Variants in ZFHX2 observed in about 807,000 individuals in gnomAD.
ZFHX2 encodes zinc finger homeobox 2.
Under a neutral mutation model 164.8 loss-of-function variants are expected in ZFHX2, and 75 were observed. The ratio of observed to expected loss-of-function variants is 0.46; its 90% CI spans 0.38 to 0.55. The LOEUF is 0.55. Among genes scored for constraint, ZFHX2 ranks in the 20% least tolerant of loss-of-function variants. The pLI, the probability that ZFHX2 is intolerant of heterozygous loss-of-function variation, is 0.00. For synonymous variants in ZFHX2, 1,217 were observed against 1,351.4 expected, an observed-to-expected ratio of 0.90 and a Z score of 2.18; for missense variants, 2,933 against 3,308.0, an observed-to-expected ratio of 0.89 and a Z score of 2.78.
At chr14:23,548,612 A>T (rs1450760787) in intron 1 of ZFHX2, among the ~76,000 whole-genome samples, 1 of 152,094 alleles carries the variant, frequency 6.6e-6, no homozygotes, top group Non-Finnish European at 1.5e-5. Flanking sequence ...AGTTTATGGG[A>T]ATTCTACTTT....
At chr14:23,552,543 G>A (rs543665405), upstream of ZFHX2, among the ~76,000 whole-genome samples, 4 of 150,726 alleles carry the variant, frequency 2.7e-5, no homozygotes, top group African/African-American at 7.3e-5. Flanking sequence ...CGCCTGCCTC[G>A]GCCTCCCAAA....
Position 23,527,745 on chromosome 14 carries a change from A to G in ZFHX2, c.2994T>C (p.His998=). Residue 998 remains histidine (H), a synonymous_variant, in exon 7 of 10, where the codon CAT becomes CAC. Coordinates refer to ENST00000419474, the MANE Select transcript of ZFHX2 (RefSeq NM_033400.3). ...LSPESSQVRA[H]TLSQHAVQPK... ...GCTGCACTGCATGCTGGGAGAGTGT[A>G]TGAGCCCTCACCTGGCTGGACTCTG... The G allele has an allele frequency of 2.0e-6, 3 of 1,536,080 alleles. No homozygotes were observed. The highest frequency in any genetic ancestry group is 1.7e-6 in the Non-Finnish European group (2 of 1,146,924).
At chr14:23,549,618 A>AAAGCAACT (rs1425549381) in intron 1 of ZFHX2, among the ~76,000 whole-genome samples, 2 of 152,210 alleles carry the variant, frequency 1.3e-5, no homozygotes, top group African/African-American at 4.8e-5. Flanking sequence ...AAGTGAAGAA[A>AAAGCAACT]AAGCAACTGA....
chr14:23,526,015 C>G lies in ZFHX2; in HGVS notation c.3927G>C (p.Lys1309Asn). 3 of 1,534,906 alleles carry G rather than the reference C, an allele frequency of 2.0e-6. No individual in the cohort carries two copies. The highest frequency in any genetic ancestry group is 2.6e-6 in the Non-Finnish European group (3 of 1,146,110). The part of the protein sequence containing the change: ...ETEGEVGTEK[K>N]GPDTSGFISG... ...ATATGAAGCCACTGGTGTCAGGGCC[C>G]TTCTTCTCAGTGCCCACCTCCCCCT... is the stretch of plus-strand genomic sequence containing the variant. The change falls in exon 9 of 10, where the codon AAG (lysine) becomes AAC (asparagine). Residue 1309 changes from lysine (K) to asparagine (N), a missense_variant. Coordinates refer to ENST00000419474, the MANE Select transcript of ZFHX2 (RefSeq NM_033400.3).
chr14:23,525,197 C>G lies in ZFHX2; in HGVS notation c.4745G>C (p.Ser1582Thr). ...GGHWPIEEEE[S>T]SRGNLPPLVP... The stretch of plus-strand genomic sequence containing the variant: ...CAGGGGAGGAAGATTCCCTCTGGAG[C>G]TTTCTTCCTCTTCTATGGGCCAGTG... The change falls in exon 9 of 10, where the codon AGC becomes ACC. Residue 1582 changes from serine (S) to threonine (T), a missense_variant. By Grantham distance (58) the Ser-to-Thr change is moderately conservative. Coordinates refer to ENST00000419474, the MANE Select transcript of ZFHX2 (RefSeq NM_033400.3). This position sits in a 1 kb window ranked among gnomAD's most constrained non-coding sequence, Gnocchi z 5.9. The G allele has an allele frequency of 6.5e-7, 1 of 1,536,166 alleles. No homozygotes were observed. The highest frequency in any genetic ancestry group is 8.7e-7 in the Non-Finnish European group (1 of 1,146,924).
At chr14:23,538,037 T>C (rs1880381133) in intron 1 of ZFHX2, 1 of 152,356 alleles carries the variant, frequency 6.6e-6, no homozygotes, top group South Asian at 2.1e-4. Context: ...CAGCTCAGAG[T>C]AGGGCTAGGC....
Position 23,534,221 on chromosome 14 carries a change from C to T in ZFHX2, c.1105G>A (p.Glu369Lys), listed in dbSNP as rs958679062. The T allele has an allele frequency of 1.1e-5, 16 of 1,508,442 alleles. No individual in the cohort carries two copies. The highest frequency in any genetic ancestry group is 6.9e-5 in the African/African-American group (5 of 72,390). The allele number at this position is 1,508,442 out of a possible 1,614,324, so 93.4% of individuals were successfully genotyped here. Residue 369 changes from glutamate (E) to lysine (K), a missense_variant, in exon 2 of 10, where the codon GAG becomes AAG. Glu to Lys is a moderately conservative substitution (Grantham distance 56, BLOSUM62 1). Coordinates refer to ENST00000419474, the MANE Select transcript of ZFHX2 (RefSeq NM_033400.3). The surrounding 1 kb of genome is among the most constrained non-coding windows in gnomAD (Gnocchi z 4.5). Reference sequence around the variant, plus strand: ...TCAGGGAACCAATCTGGCCCTGCCTCGCCTGCTGCTACTGGCGATTCTTTG... The same window carrying T: ...TCAGGGAACCAATCTGGCCCTGCCTTGCCTGCTGCTACTGGCGATTCTTTG... ...QAKESPVAAGEAGPDWFPEGQ... is the reference protein window; with the variant it reads ...QAKESPVAAGKAGPDWFPEGQ...
chr14:23,528,239 G>T (rs1478513155), intron 6 of ZFHX2, among the ~76,000 whole-genome samples: 1 of 152,204 alleles, frequency 6.6e-6, no homozygotes, highest in Non-Finnish European at 1.5e-5. Flanking sequence ...GAACTAGCCA[G>T]ATAGGAAGGC....
rs924034206 is a variant in ZFHX2 at position 23,530,131 on chromosome 14, G to T, written c.2864C>A (p.Thr955Lys). The T allele has an allele frequency of 2.5e-5, 39 of 1,536,092 alleles. No individual in the cohort carries two copies. The highest frequency in any genetic ancestry group is 3.1e-5 in the Non-Finnish European group (36 of 1,146,890). Residue 955 changes from threonine (T) to lysine (K), a missense_variant, in exon 5 of 10, where the codon ACA becomes AAA. Coordinates refer to ENST00000419474, the MANE Select transcript of ZFHX2 (RefSeq NM_033400.3). Reference sequence around the variant, plus strand: ...GAGGGAAAACTCACCCAATTGTTCTGTCTTGTTCTGGGCATCTTTCTCAGG... The same window carrying T: ...GAGGGAAAACTCACCCAATTGTTCTTTCTTGTTCTGGGCATCTTTCTCAGG... Reference protein sequence around the residue: ...PTPEKDAQNKTEQLASEETEN... With the variant: ...PTPEKDAQNKKEQLASEETEN...
intron 1 of ZFHX2, among the ~76,000 whole-genome samples, chr14:23,539,987 C>G (rs1880619976): frequency 6.6e-6 from 1 of 152,160 alleles, no homozygotes; most frequent in African/African-American, 2.4e-5. Context: ...GCCTTCCAAA[C>G]AGTTGTTTTT....
intron 6 of ZFHX2, chr14:23,528,695 C>A: frequency 2.0e-6 from 2 of 985,414 alleles, no homozygotes; most frequent in Non-Finnish European, 2.4e-6. Context: ...TTCCATCTTT[C>A]TTTTTCCTTC....
At chr14:23,548,829 C>CT (rs1004855979) in intron 1 of ZFHX2, among the ~76,000 whole-genome samples, 1 of 152,294 alleles carries the variant, frequency 6.6e-6, no homozygotes, top group East Asian at 1.9e-4. Context: ...TTGTGCTATG[C>CT]TTTTTTTCCA....
At chr14:23,530,918 C>T (rs1330106007) in intron 4 of ZFHX2, 2 of 189,872 alleles carry the variant, frequency 1.1e-5, no homozygotes, top group African/African-American at 2.4e-5. Context: ...TCTCCTGTAC[C>T]CTCTGGATCA....
Position 23,525,959 on chromosome 14 carries a change from G to A in ZFHX2, c.3983C>T (p.Pro1328Leu). Residue 1328 changes from proline to leucine, a missense_variant, in exon 9 of 10, where the codon CCT becomes CTT. Pro to Leu is a moderately conservative substitution (Grantham distance 98). Transcript: ENST00000419474. This position sits in a 1 kb window ranked among gnomAD's most constrained non-coding sequence, Gnocchi z 5.9. ...TGGGAATCGGTGCAGGTCCAAGGGA[G>A]GTGGGGGAGGGGACAGGAAAGGCAA... ...SGLPFLSPPP[P>L]PLDLHRFPAP... 8 of 1,501,088 alleles carry A rather than the reference G, an allele frequency of 5.3e-6. No homozygotes were observed. The highest frequency in any genetic ancestry group is 2.5e-5 in the East Asian group (1 of 40,738). 93.0% of individuals were successfully genotyped at this position (1,501,088 alleles called of 1,614,324 possible). A position where few individuals can be genotyped will look rare whatever the true frequency, so the allele number is the denominator to read the frequency against.
chr14:23,532,037 A>C (rs540582522), intron 3 of ZFHX2: 6 of 196,580 alleles, frequency 3.1e-5, no homozygotes, highest in Admixed American at 3.0e-4. Context: ...CGGCCTCCCA[A>C]AGTGCCGGGA....
chr14:23,526,923 T>C lies in ZFHX2; in HGVS notation c.3186A>G (p.Thr1062=), dbSNP rs905638573. The C allele has an allele frequency of 1.3e-6, 2 of 1,534,264 alleles. No homozygotes were observed. The highest frequency in any genetic ancestry group is 2.7e-5 in the African/African-American group (2 of 72,874). ...TFTTKVLSAP[T]LSPLDNGQEP... ...CTTGGCCATTGTCCAGAGGGCTTAA[T>C]GTGGGTGCAGACAGCACTTTGGTTG... Residue 1062 remains threonine (T), a synonymous_variant, in exon 8 of 10, where the codon ACA becomes ACG. Coordinates refer to ENST00000419474, the MANE Select transcript of ZFHX2 (RefSeq NM_033400.3).
intron 6 of ZFHX2, among the ~76,000 whole-genome samples, 185 bp from the exon 7 acceptor site, chr14:23,527,989 C>T (rs1484861324): frequency 6.6e-6 from 1 of 151,296 alleles, no homozygotes; most frequent in East Asian, 1.9e-4. Context: ...TCACTGCAAC[C>T]TCCGCCTTCC....
At position 23,533,373 on chromosome 14, in the gene ZFHX2, C is replaced by T. The variant is rs1372390056; in HGVS notation, c.1953G>A (p.Gly651=). ...GQPQTPLAGP[G]LRPDKPLEAQ... is the part of the protein sequence containing the mutation. ...CTTCCAGGGGCTTGTCTGGCCTCAG[C>T]CCCGGGCCAGCCAAGGGAGTCTGAG... The change falls in exon 2 of 10, where the codon GGG becomes GGA. Residue 651 remains glycine (G), a synonymous_variant. Coordinates refer to ENST00000419474, the MANE Select transcript of ZFHX2 (RefSeq NM_033400.3). This position sits in a 1 kb window ranked among gnomAD's most constrained non-coding sequence, Gnocchi z 4.8. The T allele has an allele frequency of 2.1e-6, 3 of 1,455,110 alleles. No homozygotes were observed. Among genetic ancestry groups the T allele is most frequent in the Admixed American group, 2.6e-5 (1 of 38,900 alleles). The allele number at this position is 1,455,110 out of a possible 1,614,324, so 90.1% of individuals were successfully genotyped here. A position where few individuals can be genotyped will look rare whatever the true frequency, so the allele number is the denominator to read the frequency against.
rs10145857 is a variant in ZFHX2 at position 23,538,922 on chromosome 14, C to T, written c.-49-3548G>A. ...CAGACGGCAGAAAGAGTCAATAAAA[C>T]GAGAGGATCACATTAGAGGCGACAG... On this transcript the variant is annotated intron_variant, in intron 1 of 9. Transcript: ENST00000419474. 7.5e-3 allele frequency among the ~76,000 whole-genome samples: 1,143 copies of T among 152,130 alleles called. 11 individuals carry two copies. Among genetic ancestry groups the T allele is most frequent in the African/African-American group, 0.026 (1,089 of 41,488 alleles).
Sources: gnomAD v4.1 joint callset for allele counts (sites outside exome capture counted in the v4.1 genomes callset) on GRCh38, gnomAD v4.1.1 for gene constraint, Gnocchi (gnomAD v3.1) non-coding constraint, MANE v1.5 for transcripts, NCBI Gene and HGNC (gene_info 2026-07-23, HGNC 2026-07-21) for gene names.